Variants in SLC9A9 observed in about 807,000 individuals in gnomAD.
SLC9A9 encodes solute carrier family 9 member A9, also known as sodium/hydrogen exchanger 9.
A neutral mutation model predicts 77.8 loss-of-function variants in SLC9A9; 62 were observed. That is an observed-to-expected ratio of 0.80 (90% CI 0.65 to 0.98). SLC9A9 has a LOEUF of 0.98. SLC9A9 is among the 50% of genes least tolerant of loss of function. SLC9A9 has a pLI of 0.00. For missense variants in SLC9A9, 775 were observed against 774.9 expected (o/e 1.00, Z 0.00); for synonymous variants, 320 against 283.5 (o/e 1.13, Z -1.29).
chr3:143,646,914 T>C (rs1042718662), intron 6 of SLC9A9, among the ~76,000 whole-genome samples: 1 of 152,228 alleles, frequency 6.6e-6, no homozygotes, highest in Non-Finnish European at 1.5e-5. Flanking sequence ...CCATTGTTGG[T>C]TTAATTTGTT....
intron 14 of SLC9A9, among the ~76,000 whole-genome samples, chr3:143,273,674 G>A (rs984053825): frequency 2.2e-4 from 34 of 152,144 alleles, no homozygotes; most frequent in African/African-American, 8.2e-4. Flanking sequence ...AGAACCCTGT[G>A]GAGCTGTGTT....
At chr3:143,316,198 G>C (rs1221481985) in intron 14 of SLC9A9, among the ~76,000 whole-genome samples, 1 of 152,160 alleles carries the variant, frequency 6.6e-6, no homozygotes, top group East Asian at 1.9e-4. Flanking sequence ...TCACTCACGA[G>C]ATAAATTTGG....
At chr3:143,359,151 C>A (rs1486906100) in intron 14 of SLC9A9, among the ~76,000 whole-genome samples, 1 of 152,188 alleles carries the variant, frequency 6.6e-6, no homozygotes, top group Non-Finnish European at 1.5e-5. Flanking sequence ...TACATCAATG[C>A]CTGAAATGAA....
intron 4 of SLC9A9, among the ~76,000 whole-genome samples, chr3:143,771,541 G>A (rs1457140889): frequency 1.3e-5 from 2 of 152,170 alleles, no homozygotes; most frequent in Non-Finnish European, 2.9e-5. Context: ...AGAAAGGTTA[G>A]AATCTCAAGC....
At chr3:143,715,892 T>G (rs894606265) in intron 4 of SLC9A9, among the ~76,000 whole-genome samples, 3 of 152,184 alleles carry the variant, frequency 2.0e-5, no homozygotes, top group Non-Finnish European at 2.9e-5. Flanking sequence ...GAGGTATGAT[T>G]TGCCAAAGAG....
At chr3:143,590,167 T>G (rs958956908) in intron 6 of SLC9A9, among the ~76,000 whole-genome samples, 4 of 152,210 alleles carry the variant, frequency 2.6e-5, no homozygotes, top group African/African-American at 9.7e-5. Flanking sequence ...TTTTTCCAAG[T>G]GGTGACTACT....
At chr3:143,503,801 G>A (rs945198342) in intron 9 of SLC9A9, 7 of 340,064 alleles carry the variant, frequency 2.1e-5, no homozygotes, top group South Asian at 1.6e-4. Context: ...TGGCTGGGAG[G>A]CTAAGCAGTT....
chr3:143,793,439 G>A lies in SLC9A9; in HGVS notation c.533+1562C>T, dbSNP rs897501866. On this transcript the variant is annotated intron_variant, in intron 4 of 15. Coordinates refer to ENST00000316549, the MANE Select transcript of SLC9A9 (RefSeq NM_173653.4). ...AAATTTACTATTCTATAATTTGGCA[G>A]CATTGTCCAAGAGTTTAGAATTTGG... is the stretch of plus-strand genomic sequence containing the variant. Among the ~76,000 whole-genome samples the A allele has an allele frequency of 5.3e-5, 8 of 152,292 alleles. No individual in the cohort carries two copies. The East Asian group carries it at 1.5e-3, about 29-fold the overall frequency.
At chr3:143,574,384 C>T (rs1355565205) in intron 7 of SLC9A9, among the ~76,000 whole-genome samples, 191 bp from the exon 8 acceptor site, 1 of 152,144 alleles carries the variant, frequency 6.6e-6, no homozygotes, top group Non-Finnish European at 1.5e-5. Flanking sequence ...CATGCTTCAC[C>T]GGGGGCTGAA....
At chr3:143,561,820 G>A (rs2037090539) in intron 8 of SLC9A9, among the ~76,000 whole-genome samples, 1 of 152,216 alleles carries the variant, frequency 6.6e-6, no homozygotes, top group South Asian at 2.1e-4. Context: ...ATAACTTGGA[G>A]AAACTCATTT....
At position 143,825,334 on chromosome 3, in the gene SLC9A9, A is replaced by G. The variant is rs138442985; in HGVS notation, c.378+6685T>C. Among the ~76,000 whole-genome samples the G allele has an allele frequency of 5.9e-5, 9 of 152,290 alleles. No homozygotes were observed. In the East Asian group the frequency reaches 1.2e-3, roughly 20 times the overall value. On this transcript the variant is annotated intron_variant, in intron 2 of 15. Transcript: ENST00000316549. Reference sequence around the variant, plus strand: ...AGGAAAAGACTAGAAATGCAAATGTAGTTTACAAATAAATATATGAGAATT... The same window carrying G: ...AGGAAAAGACTAGAAATGCAAATGTGGTTTACAAATAAATATATGAGAATT...
rs563580803 is a variant in SLC9A9, at chr3:143,767,286, A to G, written c.533+27715T>C. ...AGAAGATGAATTTCCCATACTGAGT[A>G]AATTTATTTACCCCTTCCCTATCAT... On this transcript the variant is annotated intron_variant, in intron 4 of 15. Transcript: ENST00000316549. 2.0e-5 allele frequency among the ~76,000 whole-genome samples: 3 copies of G among 152,126 alleles called. No homozygotes were observed. In the South Asian group the frequency reaches 6.2e-4, roughly 32 times the overall value.
rs762408757 is a variant in SLC9A9, at chr3:143,848,105, C to T, written c.175+43G>A. The T allele has an allele frequency of 1.0e-5, 16 of 1,578,738 alleles. No homozygotes were observed. In the East Asian group the frequency reaches 2.9e-4, roughly 29 times the overall value. On this transcript the variant is annotated intron_variant, in intron 1 of 15. Coordinates refer to ENST00000316549, the MANE Select transcript of SLC9A9 (RefSeq NM_173653.4). ...CTGAGCACAAGTCTCTAATTACGCT[C>T]AAGCAACAAGTTTCACATCAATCTC...
At chr3:143,556,319 C>A (rs116883616) in intron 8 of SLC9A9, among the ~76,000 whole-genome samples, 4 of 152,320 alleles carry the variant, frequency 2.6e-5, no homozygotes, top group Admixed American at 2.6e-4. Context: ...AGTGTCTCAG[C>A]TCCAAACCCA....
intron 11 of SLC9A9, among the ~76,000 whole-genome samples, chr3:143,491,885 A>G (rs953371901): frequency 7.2e-5 from 11 of 152,226 alleles, no homozygotes; most frequent in African/African-American, 2.2e-4. Flanking sequence ...AACGTTTTGA[A>G]AAAATGCAAC....
chr3:143,605,105 C>G (rs1429776575), intron 6 of SLC9A9, among the ~76,000 whole-genome samples: 1 of 152,092 alleles, frequency 6.6e-6, no homozygotes, highest in Non-Finnish European at 1.5e-5. Context: ...TCTATATTTT[C>G]TTTACAGGAC....
chr3:143,329,988 A>G (rs979995750), intron 14 of SLC9A9, among the ~76,000 whole-genome samples: 1 of 152,124 alleles, frequency 6.6e-6, no homozygotes, highest in Non-Finnish European at 1.5e-5. Context: ...AGAATCTTCA[A>G]ACTACTGGAA....
chr3:143,675,424 C>T (rs888202963), intron 5 of SLC9A9, among the ~76,000 whole-genome samples: 25 of 152,306 alleles, frequency 1.6e-4, no homozygotes, highest in Admixed American at 1.6e-3. Flanking sequence ...TTAATTTAGG[C>T]ACCAGACAGG....
At chr3:143,809,045 T>C (rs1268903263) in intron 2 of SLC9A9, among the ~76,000 whole-genome samples, 2 of 152,234 alleles carry the variant, frequency 1.3e-5, no homozygotes, top group African/African-American at 4.8e-5. Context: ...GGAACACCAT[T>C]ATTGATCTAT....
Sources: gnomAD v4.1 joint callset for allele counts (sites outside exome capture counted in the v4.1 genomes callset) on GRCh38, gnomAD v4.1.1 for gene constraint, MANE v1.5 for transcripts, NCBI Gene and HGNC (gene_info 2026-07-23, HGNC 2026-07-21) for gene names.